BAZ2B: variants seen among roughly 807,000 people sequenced by gnomAD.
BAZ2B encodes bromodomain adjacent to zinc finger domain 2B, also known as bromodomain adjacent to zinc finger domain protein 2B.
A neutral mutation model predicts 246.0 loss-of-function variants in BAZ2B; 91 were observed. The observed-to-expected ratio is 0.37, with a 90% CI of 0.31 to 0.44. BAZ2B has a LOEUF of 0.44. Among genes scored for constraint, BAZ2B ranks in the 20% least tolerant of loss-of-function variants. The probability of loss-of-function intolerance (pLI) is 1.00; values close to 1 mark genes in which losing one functional copy is unlikely to be tolerated. For synonymous variants in BAZ2B, 855 were observed against 860.0 expected (o/e 0.99, Z 0.10); for missense variants, 2,332 against 2,533.7 (o/e 0.92, Z 1.71).
At chr2:159,553,562 G>A (rs2088652512) in intron 2 of BAZ2B, among the ~76,000 whole-genome samples, 1 of 151,956 alleles carries the variant, frequency 6.6e-6, no homozygotes, top group East Asian at 1.9e-4. Context: ...ACCGAGCAAT[G>A]CTTTAATCAG....
chr2:159,463,014 T>C (rs1241433165), intron 3 of BAZ2B: 8 of 753,854 alleles, frequency 1.1e-5, no homozygotes, highest in Non-Finnish European at 1.7e-5. Flanking sequence ...ATTACCCAGG[T>C]CCCCCATGCT....
At chr2:159,424,119 C>T (rs1182744044) in intron 13 of BAZ2B, among the ~76,000 whole-genome samples, 2 of 152,034 alleles carry the variant, frequency 1.3e-5, no homozygotes, top group Non-Finnish European at 2.9e-5. Flanking sequence ...AATAACATTA[C>T]TTTTTAAAGA....
chr2:159,631,993 A>C, the BAZ2B span, among the ~76,000 whole-genome samples: 1 of 152,208 alleles, frequency 6.6e-6, no homozygotes, highest in Non-Finnish European at 1.5e-5. Flanking sequence ...GTTATAGGTA[A>C]GCTGCAGACA....
At position 159,319,138 on chromosome 2, in the gene BAZ2B, G is replaced by A. The variant is rs1476328778; in HGVS notation, c.*1127C>T. 6.6e-6 allele frequency: 1 copy of A among 152,494 alleles called. No individual in the cohort carries two copies. The highest frequency in any genetic ancestry group is 1.5e-5 in the Non-Finnish European group (1 of 68,016). 9.4% of individuals were successfully genotyped at this position (152,494 alleles called of 1,614,324 possible). ...AAATCTGATCTATTTGCCTCCAACA[G>A]GCCACCACAACACACAGTAGATAAA... is the stretch of plus-strand genomic sequence containing the variant. On this transcript the variant is annotated 3_prime_UTR_variant, in exon 37 of 37. Coordinates refer to ENST00000392783, the MANE Select transcript of BAZ2B (RefSeq NM_013450.4). The surrounding 1 kb of genome is among the most constrained non-coding windows in gnomAD (Gnocchi z 4.0).
intron 27 of BAZ2B, among the ~76,000 whole-genome samples, chr2:159,350,844 A>G (rs535531727): frequency 6.6e-5 from 10 of 151,886 alleles, no homozygotes; most frequent in Non-Finnish European, 1.5e-4. Flanking sequence ...AAGTGCAGGG[A>G]TAACAGGCAT....
At chr2:159,698,346 AC>A in the BAZ2B span, among the ~76,000 whole-genome samples, 1 of 151,896 alleles carries the variant, frequency 6.6e-6, no homozygotes, top group Non-Finnish European at 1.5e-5. Context: ...ATATAGCAAT[AC>A]CCCAGCTCTA....
At chr2:159,467,734 A>T (rs761199595) in intron 3 of BAZ2B, among the ~76,000 whole-genome samples, 18 of 149,740 alleles carry the variant, frequency 1.2e-4, no homozygotes, top group Non-Finnish European at 2.7e-4. Flanking sequence ...CACAGAGAAT[A>T]ATTACTAAAA....
chr2:159,562,992 C>T (rs186918882), intron 1 of BAZ2B, among the ~76,000 whole-genome samples: 86 of 152,158 alleles, frequency 5.7e-4, no homozygotes, highest in African/African-American at 1.8e-3. Flanking sequence ...CCAACCCACA[C>T]CTTCAAAAAT....
rs772715921 is a variant in BAZ2B at position 159,574,714 on chromosome 2, G to A, written c.-45-18849C>T. On this transcript the variant is annotated intron_variant, in intron 1 of 36. Transcript: ENST00000392783. ...AGAAAATGAAATGAAGGCTGGGCGC[G>A]GTGGCTCACGCCTGTAATCCCGGCA... 2.2e-4 allele frequency among the ~76,000 whole-genome samples: 34 copies of A among 152,218 alleles called. 1 individual carries two copies. Among genetic ancestry groups the A allele is most frequent in the Non-Finnish European group, 4.1e-4 (28 of 67,994 alleles).
intron 6 of BAZ2B, 23 bp downstream of exon 6, chr2:159,446,759 T>C (rs1448840778): frequency 1.3e-6 from 2 of 1,577,176 alleles, no homozygotes; most frequent in African/African-American, 1.4e-5. Context: ...TGTTATATAT[T>C]AGTCCTTCCA....
At chr2:159,400,071 TG>T (rs1427237427) in intron 17 of BAZ2B, among the ~76,000 whole-genome samples, 4 of 152,350 alleles carry the variant, frequency 2.6e-5, no homozygotes, top group African/African-American at 9.6e-5. Flanking sequence ...GAAGTTTTCC[TG>T]TATTTTTTCT....
intron 6 of BAZ2B, among the ~76,000 whole-genome samples, chr2:159,441,190 TAA>T (rs1250468935): frequency 1.3e-5 from 2 of 152,030 alleles, no homozygotes; most frequent in African/African-American, 4.8e-5. Context: ...AGAAAAGAAA[TAA>T]GAGAGCTACA....
At chr2:159,694,252 A>G in the BAZ2B span, 2 of 152,144 alleles carry the variant, frequency 1.3e-5, no homozygotes, top group African/African-American at 4.8e-5. Flanking sequence ...AATGAAAACA[A>G]CCCTTGAGAC....
the BAZ2B span, among the ~76,000 whole-genome samples, chr2:159,684,254 T>A: frequency 1.2e-4 from 19 of 152,360 alleles, no homozygotes; most frequent in South Asian, 3.7e-3. Context: ...TTGACAAGCA[T>A]GAATAAAGCT....
At chr2:159,426,091 T>C (rs2069795317) in intron 13 of BAZ2B, among the ~76,000 whole-genome samples, 1 of 152,216 alleles carries the variant, frequency 6.6e-6, no homozygotes, top group East Asian at 1.9e-4. Flanking sequence ...GCTGAAATGT[T>C]GGCAGCTTAA....
chr2:159,662,757 C>A, the BAZ2B span, among the ~76,000 whole-genome samples: 8 of 152,020 alleles, frequency 5.3e-5, no homozygotes, highest in African/African-American at 1.7e-4. Flanking sequence ...GCTTTGAACT[C>A]CTGACCTCAA....
intron 1 of BAZ2B, among the ~76,000 whole-genome samples, chr2:159,557,278 A>G (rs757499422): frequency 1.0e-4 from 15 of 150,224 alleles, no homozygotes; most frequent in Non-Finnish European, 1.9e-4. Flanking sequence ...GCTGGTCTCA[A>G]ACTCCCGGTC....
intron 31 of BAZ2B, among the ~76,000 whole-genome samples, chr2:159,342,681 C>A (rs2066941155): frequency 6.6e-6 from 1 of 151,796 alleles, no homozygotes; most frequent in South Asian, 2.1e-4. Context: ...CAAGCAAAAT[C>A]AAAAACAAAA....
In BAZ2B at chr2:159,349,854, G is replaced by A. The variant is rs1321143849; in HGVS notation, c.4717C>T (p.Leu1573Phe). ...LPRTPCDDTS[L>F]THADMSTASL... is the part of the protein sequence containing the mutation. Reference sequence around the variant, plus strand: ...GCAGTTGACATATCGGCATGAGTAAGTGAAGTGTCATCACAGGGTGTTCGT... The same window carrying A: ...GCAGTTGACATATCGGCATGAGTAAATGAAGTGTCATCACAGGGTGTTCGT... Residue 1573 changes from leucine to phenylalanine, a missense_variant, in exon 28 of 37, where the codon CTT becomes TTT. By Grantham distance (22) the Leu-to-Phe change is conservative. Coordinates refer to ENST00000392783, the MANE Select transcript of BAZ2B (RefSeq NM_013450.4). The A allele has an allele frequency of 6.2e-7, 1 of 1,614,212 alleles. No homozygotes were observed. The highest frequency in any genetic ancestry group is 1.7e-5 in the Admixed American group (1 of 60,018).
Sources: gnomAD v4.1 joint callset for allele counts (sites outside exome capture counted in the v4.1 genomes callset) on GRCh38, gnomAD v4.1.1 for gene constraint, Gnocchi (gnomAD v3.1) non-coding constraint, MANE v1.5 for transcripts, NCBI Gene and HGNC (gene_info 2026-07-23, HGNC 2026-07-21) for gene names.